RALGAPB: variants seen among roughly 807,000 people sequenced by gnomAD.
The protein encoded by RALGAPB is Ral GTPase activating protein non-catalytic subunit beta, also known as ral GTPase-activating protein subunit beta.
In RALGAPB, 25 loss-of-function variants were observed where a neutral mutation model predicts 161.1. The observed-to-expected ratio is 0.16, with a 90% CI of 0.11 to 0.22. The LOEUF (loss-of-function observed/expected upper bound fraction) is 0.22, where lower values mean the gene tolerates loss of function less well. RALGAPB is among the 10% of genes least tolerant of loss of function. RALGAPB has a pLI of 1.00. For missense variants in RALGAPB, 1,391 were observed against 1,815.2 expected, an observed-to-expected ratio of 0.77 and a Z score of 4.25; for synonymous variants, 629 against 626.1, an observed-to-expected ratio of 1.00 and a Z score of -0.07.
chr20:38,499,673 G>T, intron 5 of RALGAPB, 40 bp downstream of exon 5: 2 of 1,551,640 alleles, frequency 1.3e-6, no homozygotes, highest in South Asian at 2.4e-5. Flanking sequence ...TCACCTGTCT[G>T]ACCTTAGGCA....
chr20:38,557,573 G>A (rs1415402752), intron 22 of RALGAPB, among the ~76,000 whole-genome samples: 4 of 152,050 alleles, frequency 2.6e-5, no homozygotes, highest in Admixed American at 2.6e-4. Context: ...TTTCTCTATA[G>A]TTTTACCTTT....
At chr20:38,547,190 T>A (rs906460545) in intron 19 of RALGAPB, 1 of 152,170 alleles carries the variant, frequency 6.6e-6, no homozygotes, top group African/African-American at 2.4e-5. Flanking sequence ...ATAAGCCATC[T>A]CACAATATGT....
At chr20:38,520,524 C>CTTTTTTTTTTTTT (rs775371608) in intron 9 of RALGAPB, among the ~76,000 whole-genome samples, 1 of 70,322 alleles carries the variant, frequency 1.4e-5, no homozygotes, top group Admixed American at 1.6e-4. Context: ...TGTGTTTTGG[C>CTTTTTTTTTTTTT]TTTTTTTTTT....
chr20:38,532,703 TC>T, intron 14 of RALGAPB, 26 bp from the exon 15 acceptor site: 1 of 1,611,072 alleles, frequency 6.2e-7, no homozygotes, highest in Non-Finnish European at 8.5e-7. Context: ...GATGTAATCC[TC>T]ACTTGATTCA....
chr20:38,565,458 C>T lies in RALGAPB; in HGVS notation c.3797C>T (p.Pro1266Leu). The change falls in exon 25 of 30, where the codon CCT becomes CTT. Residue 1266 changes from proline (P) to leucine (L), a missense_variant. Pro to Leu is a moderately conservative substitution (Grantham distance 98). Transcript: ENST00000262879. The part of the protein sequence containing the change: ...DALTEIAFVV[P>L]SPVESLTDSL... ...CTTACAGAAATTGCTTTTGTGGTTC[C>T]TTCTCCTGTGGAGTCCTTAAGTAAG... 6.2e-7 allele frequency: 1 copy of T among 1,613,588 alleles called. No homozygotes were observed. The highest frequency in any genetic ancestry group is 8.5e-7 in the Non-Finnish European group (1 of 1,179,658).
intron 18 of RALGAPB, among the ~76,000 whole-genome samples, chr20:38,544,900 G>A (rs1039631899): frequency 1.3e-5 from 2 of 152,062 alleles, no homozygotes; most frequent in African/African-American, 4.8e-5. Flanking sequence ...TAAAATCCTT[G>A]AGTTTTTTTT....
At chr20:38,501,779 T>C (rs894515035) in intron 5 of RALGAPB, among the ~76,000 whole-genome samples, 3 of 152,158 alleles carry the variant, frequency 2.0e-5, no homozygotes, top group African/African-American at 7.2e-5. Flanking sequence ...CACTTACATG[T>C]AGATTTTTCT....
chr20:38,515,319 C>CAGAG (rs1296629451), intron 6 of RALGAPB, among the ~76,000 whole-genome samples: 1 of 152,174 alleles, frequency 6.6e-6, no homozygotes, highest in Non-Finnish European at 1.5e-5. Flanking sequence ...TTTTGAAAGG[C>CAGAG]AGAGCATGTA....
In RALGAPB at chr20:38,514,421, GT is replaced by G. The variant is rs1474641363; in HGVS notation, c.873-1768del. The stretch of plus-strand genomic sequence containing the variant: ...TTCACGGGGGCTTTCCCTTTGCTTA[GT>G]TTCTCCAAAGGGAAAATTGGATCAA... On this transcript the variant is annotated intron_variant, in intron 6 of 29. Transcript: ENST00000262879. Among the ~76,000 whole-genome samples the G allele has an allele frequency of 2.6e-5, 4 of 152,316 alleles. 1 individual carries two copies. The highest frequency in any genetic ancestry group is 2.6e-4 in the Admixed American group (4 of 15,308).
At chr20:38,545,950 C>T (rs1375988457) in intron 18 of RALGAPB, among the ~76,000 whole-genome samples, 1 of 152,130 alleles carries the variant, frequency 6.6e-6, no homozygotes, top group Non-Finnish European at 1.5e-5. Flanking sequence ...TCAAATTATA[C>T]CAGCCTAACT....
At position 38,488,594 on chromosome 20, in the gene RALGAPB, G is replaced by T. The variant is rs1466924282; in HGVS notation, c.162G>T (p.Glu54Asp). 4 of 1,612,366 alleles carry T rather than the reference G, an allele frequency of 2.5e-6. No individual in the cohort carries two copies. The highest frequency in any genetic ancestry group is 3.4e-6 in the Non-Finnish European group (4 of 1,179,456). ...GTACCCCTTCAGTGGCTGGTAGTGA[G>T]AATTTGTTAAAAACTGACAAAGAAG... Reference protein sequence around the residue: ...VLGTPSVAGSENLLKTDKEVK... With the variant: ...VLGTPSVAGSDNLLKTDKEVK... The change falls in exon 2 of 30, where the codon GAG becomes GAT. Residue 54 changes from glutamate to aspartate, a missense_variant. Around this residue, in one of 3 missense-constraint regions of RALGAPB, gnomAD observed 946 missense variants for 1,257.2 expected, o/e 0.75. Coordinates refer to ENST00000262879, the MANE Select transcript of RALGAPB (RefSeq NM_020336.4).
At chr20:38,529,857 TAAGG>T (rs1161126513) in intron 13 of RALGAPB, among the ~76,000 whole-genome samples, 1 of 151,936 alleles carries the variant, frequency 6.6e-6, no homozygotes, top group Non-Finnish European at 1.5e-5. Context: ...AAGAAAATCA[TAAGG>T]AAGAGAAAAT....
In RALGAPB at chr20:38,524,953, A is replaced by G. The variant is rs202064346; in HGVS notation, c.1787+8A>G. 2,257 of 1,595,286 alleles carry G rather than the reference A, an allele frequency of 1.4e-3. 2 individuals are homozygous for G. The highest frequency in any genetic ancestry group is 1.8e-3 in the Non-Finnish European group (2,140 of 1,163,152). ...AACCATTTTGCCTGACAGGTAAGCT[A>G]TCATTCTCTGCTATTATATCAACTG... On this transcript the variant is annotated splice_region_variant and intron_variant, in intron 11 of 29. Transcript: ENST00000262879.
intron 2 of RALGAPB, among the ~76,000 whole-genome samples, chr20:38,491,014 A>G (rs1011340401): frequency 3.3e-5 from 5 of 152,304 alleles, no homozygotes; most frequent in African/African-American, 1.2e-4. Flanking sequence ...TCATCTGATA[A>G]TTAGGGACCT....
At chr20:38,526,730 A>G (rs2086483791) in intron 13 of RALGAPB, among the ~76,000 whole-genome samples, 1 of 152,118 alleles carries the variant, frequency 6.6e-6, no homozygotes, top group African/African-American at 2.4e-5. Context: ...TTCAAAATAT[A>G]TCATAAGGTA....
At chr20:38,515,840 T>C (rs2086108866) in intron 6 of RALGAPB, among the ~76,000 whole-genome samples, 1 of 152,252 alleles carries the variant, frequency 6.6e-6, no homozygotes, top group Non-Finnish European at 1.5e-5. Context: ...TTGGCTCAAG[T>C]GATCTGCCTC....
At chr20:38,509,718 C>G (rs547620340) in intron 6 of RALGAPB, among the ~76,000 whole-genome samples, 22 of 152,344 alleles carry the variant, frequency 1.4e-4, no homozygotes, top group African/African-American at 5.1e-4. Flanking sequence ...AGCTTCATCA[C>G]TTTTTACTTG....
chr20:38,558,172 T>C lies in RALGAPB; in HGVS notation c.3373-123T>C, dbSNP rs148191822. 9.1e-4 allele frequency: 745 copies of C among 820,866 alleles called. 6 individuals carry two copies. The East Asian group carries it at 0.017, about 18-fold the overall frequency. 50.8% of individuals were successfully genotyped at this position (820,866 alleles called of 1,614,324 possible). A position where few individuals can be genotyped will look rare whatever the true frequency, so the allele number is the denominator to read the frequency against. On this transcript the variant is annotated intron_variant, in intron 22 of 29. Coordinates refer to ENST00000262879, the MANE Select transcript of RALGAPB (RefSeq NM_020336.4). ...CTTTAGTTTAGGATTATGGTTGTGT[T>C]TATTCCTACCATTCTATATTTTTTA... is the stretch of plus-strand genomic sequence containing the variant.
intron 6 of RALGAPB, among the ~76,000 whole-genome samples, chr20:38,514,008 A>G (rs920848601): frequency 6.6e-6 from 1 of 152,064 alleles, no homozygotes; most frequent in Non-Finnish European, 1.5e-5. Flanking sequence ...TAGAGGTAGT[A>G]CTTAGATAGT....
Sources: allele counts gnomAD v4.1 joint callset (sites outside exome capture counted in the v4.1 genomes callset), GRCh38; gene constraint gnomAD v4.1.1; regional missense constraint gnomAD v4.1.1; transcripts MANE v1.5; gene names NCBI Gene and HGNC (gene_info 2026-07-23, HGNC 2026-07-21).